Variants in FAM107B observed in about 807,000 individuals in gnomAD.
The protein encoded by FAM107B is protein FAM107B.
FAM107B carries 21 observed loss-of-function variants against 31.5 expected under a neutral mutation model. That is an observed-to-expected ratio of 0.67 (90% CI 0.47 to 0.96). The LOEUF is 0.96. Ranked by LOEUF, FAM107B falls within the 40% of genes least tolerant of loss-of-function variation. The pLI is 0.00. For missense variants in FAM107B, 452 were observed against 377.1 expected (o/e 1.20, Z -1.64); for synonymous variants, 157 against 141.5 (o/e 1.11, Z -0.78).
chr10:14,535,748 G>A (rs1847542313), intron 2 of FAM107B, among the ~76,000 whole-genome samples: 1 of 152,192 alleles, frequency 6.6e-6, no homozygotes, highest in Non-Finnish European at 1.5e-5. Flanking sequence ...AAGCTGTTGA[G>A]TAATAACAGA....
chr10:14,540,275 T>A (rs1235260011), intron 2 of FAM107B, among the ~76,000 whole-genome samples: 1 of 152,252 alleles, frequency 6.6e-6, no homozygotes, highest in East Asian at 1.9e-4. Flanking sequence ...CAGGTGTTTT[T>A]TCTGGTAAGA....
At chr10:14,592,896 A>C (rs1564591297) in intron 2 of FAM107B, among the ~76,000 whole-genome samples, 1 of 152,344 alleles carries the variant, frequency 6.6e-6, no homozygotes, top group East Asian at 1.9e-4. Flanking sequence ...GCACCATTCC[A>C]GTACCTACCT....
chr10:14,685,927 T>C (rs1054262715), intron 1 of FAM107B, among the ~76,000 whole-genome samples: 5 of 152,180 alleles, frequency 3.3e-5, no homozygotes, highest in African/African-American at 1.2e-4. Flanking sequence ...TTGTCTTACG[T>C]GGCAGCAGGC....
chr10:14,623,885 C>T (rs974456386), intron 2 of FAM107B, among the ~76,000 whole-genome samples: 1 of 152,128 alleles, frequency 6.6e-6, no homozygotes, highest in African/African-American at 2.4e-5. Context: ...TGAAACAACT[C>T]ATTTTCCTTA....
At chr10:14,602,056 G>C (rs949150081) in intron 2 of FAM107B, among the ~76,000 whole-genome samples, 1 of 152,210 alleles carries the variant, frequency 6.6e-6, no homozygotes, top group Non-Finnish European at 1.5e-5. Flanking sequence ...CCCTGGGGTA[G>C]GAGATTGTGA....
chr10:14,622,357 G>A (rs1204819262), intron 2 of FAM107B, among the ~76,000 whole-genome samples: 6 of 150,844 alleles, frequency 4.0e-5, no homozygotes, highest in African/African-American at 1.5e-4. Flanking sequence ...GCCCAGGCTG[G>A]GGTGCAGTGG....
At chr10:14,603,249 T>C (rs1236740046) in intron 2 of FAM107B, among the ~76,000 whole-genome samples, 2 of 152,310 alleles carry the variant, frequency 1.3e-5, no homozygotes, top group South Asian at 2.1e-4. Flanking sequence ...TTAAAGCCAC[T>C]TGGATAGATA....
At chr10:14,733,725 C>G (rs1405523130) in intron 1 of FAM107B, among the ~76,000 whole-genome samples, 1 of 152,146 alleles carries the variant, frequency 6.6e-6, no homozygotes, top group African/African-American at 2.4e-5. Flanking sequence ...AAATTGGCAG[C>G]TCAAAGAGAC....
intron 2 of FAM107B, among the ~76,000 whole-genome samples, chr10:14,580,150 G>A (rs1466778078): frequency 6.6e-6 from 1 of 152,102 alleles, no homozygotes; most frequent in Non-Finnish European, 1.5e-5. Context: ...ATGAGGTCAG[G>A]AGATCAAGAC....
In FAM107B at chr10:14,584,323, C is replaced by T. The variant is rs567262392; in HGVS notation, c.470-53808G>A. 8.5e-5 allele frequency among the ~76,000 whole-genome samples: 13 copies of T among 152,278 alleles called. No individual in the cohort carries two copies. In the South Asian group the frequency reaches 1.0e-3, roughly 12 times the overall value. On this transcript the variant is annotated intron_variant, in intron 2 of 4. Transcript: ENST00000181796. The stretch of plus-strand genomic sequence containing the variant: ...GAGTTGCCAACCAGATATGGAAAAA[C>T]GCAGTGTATAACCAAGTGACCAGGG...
At chr10:14,742,396 G>T (rs1396831035) in intron 1 of FAM107B, among the ~76,000 whole-genome samples, 1 of 151,994 alleles carries the variant, frequency 6.6e-6, no homozygotes, top group Non-Finnish European at 1.5e-5. Context: ...GGGATTACAG[G>T]TGTGAGCCAC....
At chr10:14,715,734 C>T (rs992687483) in intron 1 of FAM107B, among the ~76,000 whole-genome samples, 2 of 152,218 alleles carry the variant, frequency 1.3e-5, no homozygotes, top group African/African-American at 4.8e-5. Context: ...TGCCCTTGGA[C>T]ATCAGCACTC....
At chr10:14,709,317 G>C (rs572502762) in intron 1 of FAM107B, among the ~76,000 whole-genome samples, 1 of 152,168 alleles carries the variant, frequency 6.6e-6, no homozygotes, top group Non-Finnish European at 1.5e-5. Flanking sequence ...AGACATACTC[G>C]AGACTGGGCA....
At chr10:14,759,065 C>T (rs1481204838) in intron 1 of FAM107B, among the ~76,000 whole-genome samples, 6 of 151,412 alleles carry the variant, frequency 4.0e-5, no homozygotes, top group Admixed American at 2.0e-4. Context: ...GTAATCCCAG[C>T]TACTCAAGAG....
At chr10:14,767,020 GTATGTATATATATATATA>G (rs1211202607) in intron 1 of FAM107B, among the ~76,000 whole-genome samples, 8 of 30,412 alleles carry the variant, frequency 2.6e-4, no homozygotes, top group South Asian at 2.4e-3. Flanking sequence ...TCCCTGATGT[GTATGTATATATATATATA>G]TATATATATA....
At chr10:14,574,580 T>A (rs531126272) in intron 2 of FAM107B, among the ~76,000 whole-genome samples, 1 of 152,114 alleles carries the variant, frequency 6.6e-6, no homozygotes, top group Non-Finnish European at 1.5e-5. Flanking sequence ...AGACATACTG[T>A]TTTTATCCAA....
chr10:14,770,061 C>T (rs1335211664), intron 1 of FAM107B, among the ~76,000 whole-genome samples: 4 of 152,104 alleles, frequency 2.6e-5, no homozygotes, highest in South Asian at 2.1e-4. Flanking sequence ...GTATTCCATC[C>T]GGTGCTGAGC....
intron 2 of FAM107B, among the ~76,000 whole-genome samples, chr10:14,546,053 C>T (rs774001503): frequency 2.4e-4 from 37 of 152,236 alleles, no homozygotes; most frequent in Non-Finnish European, 4.8e-4. Flanking sequence ...TATGACCTGG[C>T]CCAACTGGCC....
At chr10:14,599,534 G>A (rs1588647833) in intron 2 of FAM107B, among the ~76,000 whole-genome samples, 1 of 152,078 alleles carries the variant, frequency 6.6e-6, no homozygotes, top group African/African-American at 2.4e-5. Context: ...TAGGCCTGGG[G>A]GCTCACGTCT....
Sources: gnomAD v4.1 joint callset for allele counts (sites outside exome capture counted in the v4.1 genomes callset) on GRCh38, gnomAD v4.1.1 for gene constraint, MANE v1.5 for transcripts, NCBI Gene and HGNC (gene_info 2026-07-23, HGNC 2026-07-21) for gene names.